SLC1A2: variants seen among roughly 807,000 people sequenced by gnomAD.
SLC1A2 encodes the protein solute carrier family 1 member 2, also known as excitatory amino acid transporter 2.
In SLC1A2, 15 loss-of-function variants were observed where a neutral mutation model predicts 48.8. The ratio of observed to expected loss-of-function variants is 0.31; its 90% CI spans 0.21 to 0.47. The LOEUF is 0.47. Among genes scored for constraint, SLC1A2 ranks in the 20% least tolerant of loss-of-function variants. The pLI is 0.99. For synonymous variants in SLC1A2, 279 were observed against 272.6 expected (o/e 1.02, Z -0.23); for missense variants, 502 against 730.5 (o/e 0.69, Z 3.61).
intron 1 of SLC1A2, among the ~76,000 whole-genome samples, chr11:35,347,467 G>T (rs1853082817): frequency 6.6e-6 from 1 of 152,250 alleles, no homozygotes; most frequent in African/African-American, 2.4e-5. Context: ...GATAGTGGCT[G>T]CTGGAGCAAT....
At chr11:35,413,950 C>G (rs1229141491) in intron 1 of SLC1A2, among the ~76,000 whole-genome samples, 1 of 152,216 alleles carries the variant, frequency 6.6e-6, no homozygotes, top group African/African-American at 2.4e-5. Context: ...CAGCATCTCC[C>G]TCCTTGACCC....
At chr11:35,307,173 C>G (rs892297506) in intron 4 of SLC1A2, 1 of 151,598 alleles carries the variant, frequency 6.6e-6, no homozygotes, top group African/African-American at 2.4e-5. Context: ...CTGGTCCCCA[C>G]TGGACAGGGG....
chr11:35,312,455 T>A lies in SLC1A2; in HGVS notation c.311-7A>T, dbSNP rs746081104. 2.5e-6 allele frequency: 4 copies of A among 1,613,384 alleles called. No individual in the cohort carries two copies. The highest frequency in any genetic ancestry group is 3.4e-6 in the Non-Finnish European group (4 of 1,179,444). On this transcript the variant is annotated splice_polypyrimidine_tract_variant and splice_region_variant and intron_variant, in intron 3 of 10. Transcript: ENST00000278379. Reference sequence around the variant, plus strand: ...GCATCCAGGCCTGACAACCCTGGATTGAAAAGAAATGCAGAAGGATTAATT... The same window carrying A: ...GCATCCAGGCCTGACAACCCTGGATAGAAAAGAAATGCAGAAGGATTAATT...
intron 1 of SLC1A2, chr11:35,322,746 A>T (rs1386116166): frequency 1.1e-6 from 1 of 905,332 alleles, no homozygotes; most frequent in African/African-American, 1.6e-5. Context: ...TTGTATTTGG[A>T]TAAGAATGCT....
intron 1 of SLC1A2, among the ~76,000 whole-genome samples, chr11:35,415,767 T>C (rs531949252): frequency 0.033 from 4,971 of 152,312 alleles, 260 homozygotes; most frequent in African/African-American, 0.11. Flanking sequence ...CCCTGACCCT[T>C]GGCTCCTGGG....
chr11:35,298,346 G>A (rs1467749969), intron 6 of SLC1A2: 1 of 151,998 alleles, frequency 6.6e-6, no homozygotes, highest in African/African-American at 2.4e-5. Flanking sequence ...ATAATAAAAA[G>A]AATTATTATA....
chr11:35,414,388 C>T (rs1855549627), intron 1 of SLC1A2, among the ~76,000 whole-genome samples: 1 of 152,172 alleles, frequency 6.6e-6, no homozygotes, highest in Non-Finnish European at 1.5e-5. Context: ...AGATGCTAGT[C>T]CTTTTCTATT....
chr11:35,285,374 T>C (rs973913252), intron 8 of SLC1A2: 2 of 152,112 alleles, frequency 1.3e-5, no homozygotes, highest in African/African-American at 4.8e-5. Context: ...ATGGAAAGAG[T>C]CCGCCATCTC....
chr11:35,277,269 C>A (rs1219779735), intron 9 of SLC1A2, among the ~76,000 whole-genome samples: 1 of 152,214 alleles, frequency 6.6e-6, no homozygotes, highest in Non-Finnish European at 1.5e-5. Context: ...CTCCTCCTCC[C>A]CACTGTTAGA....
chr11:35,306,806 CTTA>C (rs1248071093), intron 4 of SLC1A2, among the ~76,000 whole-genome samples: 9 of 152,144 alleles, frequency 5.9e-5, no homozygotes, highest in Non-Finnish European at 1.3e-4. Flanking sequence ...TTGTGCCTGG[CTTA>C]TTTCACCTAA....
At chr11:35,343,984 G>C (rs1490218340) in intron 1 of SLC1A2, among the ~76,000 whole-genome samples, 2 of 151,906 alleles carry the variant, frequency 1.3e-5, no homozygotes, top group Non-Finnish European at 2.9e-5. Context: ...GAAATGTCTG[G>C]AACCCAAGAC....
intron 1 of SLC1A2, among the ~76,000 whole-genome samples, chr11:35,391,967 A>G (rs1250460088): frequency 2.6e-5 from 4 of 152,218 alleles, no homozygotes; most frequent in African/African-American, 9.6e-5. Flanking sequence ...TAGAAGTCCA[A>G]TGCGCTATCC....
In SLC1A2 at chr11:35,314,785, C is replaced by CTT. The variant is rs5791048; in HGVS notation, c.310+236_310+237dup. Among the ~76,000 whole-genome samples the CTT allele has an allele frequency of 4.7e-3, 668 of 140,878 alleles. 3 individuals are homozygous for CTT. Among genetic ancestry groups the CTT allele is most frequent in the East Asian group, 0.015 (74 of 4,946 alleles). The allele number at this position is 140,878 out of a possible 152,430, so 92.4% of individuals were successfully genotyped here. A position where few individuals can be genotyped will look rare whatever the true frequency, so the allele number is the denominator to read the frequency against. On this transcript the variant is annotated intron_variant, in intron 3 of 10. Transcript: ENST00000278379. Reference sequence around the variant, plus strand: ...ATGTGGCTGTGTTTCCTTTTCTTTTCTTTTTTTTTTTTTCTTTTTTTTGCT... The same window carrying CTT: ...ATGTGGCTGTGTTTCCTTTTCTTTTCTTTTTTTTTTTTTTTCTTTTTTTTGCT...
intron 1 of SLC1A2, among the ~76,000 whole-genome samples, chr11:35,347,821 C>A (rs1307535412): frequency 6.6e-6 from 1 of 152,208 alleles, no homozygotes; most frequent in Non-Finnish European, 1.5e-5. Flanking sequence ...AATCCTCCTG[C>A]CTTGGCCTCC....
intron 1 of SLC1A2, among the ~76,000 whole-genome samples, chr11:35,318,858 C>T (rs1002008046): frequency 1.1e-4 from 16 of 152,222 alleles, no homozygotes; most frequent in African/African-American, 3.6e-4. Context: ...GCCATTCTAG[C>T]AAGACACCAA....
chr11:35,414,586 T>G (rs1367250508), intron 1 of SLC1A2, among the ~76,000 whole-genome samples: 1 of 152,120 alleles, frequency 6.6e-6, no homozygotes, highest in African/African-American at 2.4e-5. Flanking sequence ...ATAAAGAGAT[T>G]TGCCATAATC....
chr11:35,395,596 C>A (rs978849835), intron 1 of SLC1A2, among the ~76,000 whole-genome samples: 1 of 151,966 alleles, frequency 6.6e-6, no homozygotes, highest in Non-Finnish European at 1.5e-5. Context: ...AAGCAAAGCT[C>A]CGAATATACC....
At chr11:35,298,792 G>C (rs914676896) in intron 6 of SLC1A2, 5 of 152,160 alleles carry the variant, frequency 3.3e-5, no homozygotes, top group African/African-American at 1.2e-4. Flanking sequence ...AGACTCATCT[G>C]ATGTCCTAGA....
At chr11:35,344,969 A>G (rs1333574134) in intron 1 of SLC1A2, among the ~76,000 whole-genome samples, 1 of 152,214 alleles carries the variant, frequency 6.6e-6, no homozygotes, top group East Asian at 1.9e-4. Flanking sequence ...GGACCAACCA[A>G]TTAGGCTTAG....
Sources: gnomAD v4.1 joint callset for allele counts (sites outside exome capture counted in the v4.1 genomes callset) on GRCh38, gnomAD v4.1.1 for gene constraint, MANE v1.5 for transcripts, NCBI Gene and HGNC (gene_info 2026-07-23, HGNC 2026-07-21) for gene names.